The following EBF1 variants were observed in gnomAD, a reference collection of about 807,000 sequenced individuals.
The protein encoded by EBF1 is transcription factor COE1.
EBF1 carries 10 observed loss-of-function variants against 68.4 expected under a neutral mutation model. The ratio of observed to expected loss-of-function variants is 0.15; its 90% CI spans 0.09 to 0.25. The LOEUF (loss-of-function observed/expected upper bound fraction) is 0.25, where lower values mean the gene tolerates loss of function less well. Ranked by LOEUF, EBF1 falls within the 10% of genes least tolerant of loss-of-function variation. The pLI is 1.00. For synonymous variants in EBF1, 298 were observed against 299.8 expected (o/e 0.99, Z 0.06); for missense variants, 509 against 794.4 (o/e 0.64, Z 4.32).
chr5:159,035,034 T>A (rs573074336), intron 6 of EBF1, among the ~76,000 whole-genome samples: 3 of 152,018 alleles, frequency 2.0e-5, no homozygotes, highest in African/African-American at 7.2e-5. Context: ...AATCAAAAAA[T>A]AAACCAGAAG....
chr5:158,958,958 A>C (rs2127528621), intron 6 of EBF1, among the ~76,000 whole-genome samples: 1 of 152,328 alleles, frequency 6.6e-6, no homozygotes, highest in East Asian at 1.9e-4. Flanking sequence ...TTCGCACATT[A>C]CTCAAGTTGT....
intron 4 of EBF1, among the ~76,000 whole-genome samples, chr5:159,089,840 A>G (rs1423452490): frequency 6.6e-6 from 1 of 151,954 alleles, no homozygotes; most frequent in Non-Finnish European, 1.5e-5. Context: ...AGAAAAGAAA[A>G]GAAAAAGGAA....
At position 158,698,663 on chromosome 5, in the gene EBF1, CTTTT is replaced by C; in HGVS notation, c.*444_*447del. The stretch of plus-strand genomic sequence containing the variant: ...AAGCTTTTTTTTTTTTCCTTTTTTT[CTTTT>C]TTTTTTTTTTTACTTTTTTGTAAAT... On this transcript the variant is annotated 3_prime_UTR_variant, in exon 16 of 16. Transcript: ENST00000313708. The C allele has an allele frequency of 2.6e-5, 4 of 155,654 alleles. No homozygotes were observed. Among genetic ancestry groups the C allele is most frequent in the South Asian group, 2.4e-4 (1 of 4,126 alleles). 9.6% of individuals were successfully genotyped at this position (155,654 alleles called of 1,614,324 possible).
At chr5:158,785,436 G>T (rs1777234346) in intron 9 of EBF1, among the ~76,000 whole-genome samples, 1 of 152,114 alleles carries the variant, frequency 6.6e-6, no homozygotes, top group Non-Finnish European at 1.5e-5. Context: ...ATAAATCAGG[G>T]GATGCCAGCT....
At chr5:159,029,865 T>G (rs1768410368) in intron 6 of EBF1, among the ~76,000 whole-genome samples, 1 of 150,978 alleles carries the variant, frequency 6.6e-6, no homozygotes, top group Admixed American at 6.6e-5. Flanking sequence ...GAGGCGAGAG[T>G]ATCATCACTT....
intron 9 of EBF1, among the ~76,000 whole-genome samples, chr5:158,786,137 T>C (rs549103960): frequency 6.6e-6 from 1 of 152,266 alleles, no homozygotes; most frequent in Non-Finnish European, 1.5e-5. Flanking sequence ...AGAATTCTTT[T>C]TACTAAAAAA....
At chr5:158,919,496 A>G (rs984706465) in intron 6 of EBF1, among the ~76,000 whole-genome samples, 3 of 152,234 alleles carry the variant, frequency 2.0e-5, no homozygotes, top group Non-Finnish European at 4.4e-5. Flanking sequence ...ACACCAAATG[A>G]AAAAGCAGAT....
At chr5:158,872,363 A>G (rs1159762986) in intron 6 of EBF1, among the ~76,000 whole-genome samples, 1 of 151,960 alleles carries the variant, frequency 6.6e-6, no homozygotes, top group Non-Finnish European at 1.5e-5. Flanking sequence ...TGCCCAGCTA[A>G]TTTGTGTATT....
At chr5:158,984,684 T>C (rs2127593437) in intron 6 of EBF1, 1 of 139,200 alleles carries the variant, frequency 7.2e-6, no homozygotes, top group East Asian at 2.0e-4. Flanking sequence ...TTTCTTCCTT[T>C]TTTTTTTTTT....
chr5:158,999,845 G>A (rs1762176486), intron 6 of EBF1, among the ~76,000 whole-genome samples: 1 of 152,108 alleles, frequency 6.6e-6, no homozygotes, highest in Non-Finnish European at 1.5e-5. Context: ...AAGAATAATG[G>A]TATCCAACTC....
rs116717172 is a variant in EBF1, at chr5:158,739,626, G to A, written c.1037-8469C>T. ...GAATAATTTCCACTTTGTAATGGAT[G>A]ATGGCGTTTAAATATTGGAGACCAA... On this transcript the variant is annotated intron_variant, in intron 10 of 15. Coordinates refer to ENST00000313708, the MANE Select transcript of EBF1 (RefSeq NM_024007.5). 6.5e-3 allele frequency among the ~76,000 whole-genome samples: 983 copies of A among 152,244 alleles called. 3 individuals carry two copies. The highest frequency in any genetic ancestry group is 0.041 in the East Asian group (210 of 5,178).
At chr5:158,726,107 C>T (rs1042674913) in intron 11 of EBF1, among the ~76,000 whole-genome samples, 2 of 151,878 alleles carry the variant, frequency 1.3e-5, no homozygotes, top group Non-Finnish European at 2.9e-5. Flanking sequence ...AAATAATGCT[C>T]GAATGTATAA....
chr5:158,724,954 GCAA>G (rs1352542044), intron 11 of EBF1, among the ~76,000 whole-genome samples: 2 of 152,192 alleles, frequency 1.3e-5, no homozygotes, highest in Non-Finnish European at 2.9e-5. Flanking sequence ...CGACAGAGAT[GCAA>G]CATATCATGT....
chr5:158,834,248 C>T (rs10056564), intron 7 of EBF1, among the ~76,000 whole-genome samples: 80,259 of 151,958 alleles, frequency 0.53, 22,239 homozygotes, highest in South Asian at 0.7. Flanking sequence ...AAAATCAGAC[C>T]GAAGCATGGT....
intron 5 of EBF1, among the ~76,000 whole-genome samples, chr5:159,076,418 T>G (rs1778792006): frequency 6.6e-6 from 1 of 152,124 alleles, no homozygotes; most frequent in South Asian, 2.1e-4. Context: ...AGGCCTGAGA[T>G]TTTTCCTTTT....
chr5:158,791,059 G>C (rs1381681848), intron 9 of EBF1, among the ~76,000 whole-genome samples: 1 of 152,160 alleles, frequency 6.6e-6, no homozygotes, highest in Non-Finnish European at 1.5e-5. Context: ...AGTCACTCAT[G>C]CCTGTAATCC....
chr5:159,058,695 C>T (rs1162408792), intron 6 of EBF1, among the ~76,000 whole-genome samples: 1 of 152,206 alleles, frequency 6.6e-6, no homozygotes, highest in Non-Finnish European at 1.5e-5. Context: ...CTAATCCAAC[C>T]TAGTGGAAGA....
chr5:159,039,966 T>G (rs1584180419), intron 6 of EBF1, among the ~76,000 whole-genome samples: 1 of 152,224 alleles, frequency 6.6e-6, no homozygotes, highest in Admixed American at 6.5e-5. Flanking sequence ...CTAAATTTTA[T>G]GCGTAAAATT....
chr5:158,991,845 C>G (rs1210163077), intron 6 of EBF1, among the ~76,000 whole-genome samples: 17 of 152,270 alleles, frequency 1.1e-4, no homozygotes, highest in South Asian at 4.1e-4. Context: ...GGCATTTGCA[C>G]AATGCAAGAG....
Sources: allele counts gnomAD v4.1 joint callset (sites outside exome capture counted in the v4.1 genomes callset), GRCh38; gene constraint gnomAD v4.1.1; transcripts MANE v1.5; gene names NCBI Gene and HGNC (gene_info 2026-07-23, HGNC 2026-07-21).